The following IGSF3 variants were observed in gnomAD, a reference collection of about 807,000 sequenced individuals.
IGSF3 encodes the protein immunoglobulin superfamily member 3.
In IGSF3, 23 loss-of-function variants were observed where a neutral mutation model predicts 114.4. The ratio of observed to expected loss-of-function variants is 0.20; its 90% CI spans 0.14 to 0.28. The LOEUF (loss-of-function observed/expected upper bound fraction) is 0.28. IGSF3 is among the 10% of genes least tolerant of loss of function. The pLI is 1.00. For synonymous variants in IGSF3, 571 were observed against 645.2 expected, an observed-to-expected ratio of 0.88 and a Z score of 1.74; for missense variants, 1,172 against 1,591.5, an observed-to-expected ratio of 0.74 and a Z score of 4.48.
At chr1:116,587,018 A>G (rs548648131) in intron 8 of IGSF3, among the ~76,000 whole-genome samples, 38 of 152,120 alleles carry the variant, frequency 2.5e-4, no homozygotes, top group African/African-American at 8.2e-4. Flanking sequence ...TGGAAATATA[A>G]TAACCTCAGG....
chr1:116,666,165 G>A (rs1434779969), intron 2 of IGSF3, 119 bp downstream of exon 2: 1 of 942,474 alleles, frequency 1.1e-6, no homozygotes, highest in African/African-American at 1.6e-5. Flanking sequence ...GACACACACC[G>A]ACCGCCTCCT....
intron 6 of IGSF3, among the ~76,000 whole-genome samples, chr1:116,602,962 A>T (rs909722772): frequency 3.3e-5 from 5 of 152,206 alleles, no homozygotes; most frequent in African/African-American, 1.2e-4. Flanking sequence ...TTTGTTAGGT[A>T]TGGGCCCCGT....
At chr1:116,641,449 T>C (rs1648091045) in intron 2 of IGSF3, among the ~76,000 whole-genome samples, 1 of 133,888 alleles carries the variant, frequency 7.5e-6, no homozygotes, top group East Asian at 2.1e-4. Context: ...TGAGCCAAGA[T>C]TGTGCCACTG....
chr1:116,577,450 G>C lies in IGSF3; in HGVS notation c.3447C>G (p.Phe1149Leu). The C allele has an allele frequency of 6.2e-7, 1 of 1,614,196 alleles. No homozygotes were observed. The highest frequency in any genetic ancestry group is 8.5e-7 in the Non-Finnish European group (1 of 1,180,036). The change falls in exon 11 of 11, where the codon TTC becomes TTG. Residue 1149 changes from phenylalanine to leucine, a missense_variant. Physicochemically the swap from Phe to Leu is conservative, Grantham distance 22 (BLOSUM62 0). Around this residue, in one of 3 missense-constraint regions of IGSF3, gnomAD observed 423 missense variants for 509.8 expected, o/e 0.83. Coordinates refer to ENST00000369486, the MANE Select transcript of IGSF3 (RefSeq NM_001007237.3). The surrounding 1 kb of genome is among the most constrained non-coding windows in gnomAD (Gnocchi z 5.7). ...AGTTCTTGCTGGAGTTCCGGCTCTT[G>C]AAACGCACCAGAAGGATGGTGATGA... ...ILIITILLVR[F>L]KSRNSSKNSD...
At chr1:116,581,318 G>GTT (rs1659592392) in intron 9 of IGSF3, among the ~76,000 whole-genome samples, 2 of 112,178 alleles carry the variant, frequency 1.8e-5, no homozygotes, top group African/African-American at 3.5e-5. Context: ...CTGTTTTGCT[G>GTT]TCTTTTTTTT....
In IGSF3 at chr1:116,589,214, A is replaced by T; in HGVS notation, c.2030-110T>A. Reference sequence around the variant, plus strand: ...TCCAGCACAGTTCCTGGGGGATTTAACACCGACTGGCTTCAGTGTGAGGAA... The same window carrying T: ...TCCAGCACAGTTCCTGGGGGATTTATCACCGACTGGCTTCAGTGTGAGGAA... On this transcript the variant is annotated intron_variant, in intron 7 of 10. Coordinates refer to ENST00000369486, the MANE Select transcript of IGSF3 (RefSeq NM_001007237.3). This position sits in a 1 kb window ranked among gnomAD's most constrained non-coding sequence, Gnocchi z 5.7. The T allele has an allele frequency of 1.1e-6, 1 of 892,644 alleles. No individual in the cohort carries two copies. Among genetic ancestry groups the T allele is most frequent in the East Asian group, 2.5e-5 (1 of 39,920 alleles). The allele number at this position is 892,644 out of a possible 1,614,324, so 55.3% of individuals were successfully genotyped here.
At position 116,600,929 on chromosome 1, in the gene IGSF3, G is replaced by C. The variant is rs569794315; in HGVS notation, c.1625-584C>G. Among the ~76,000 whole-genome samples the C allele has an allele frequency of 6.6e-6, 1 of 152,252 alleles. No individual in the cohort carries two copies. The highest frequency in any genetic ancestry group is 6.5e-5 in the Admixed American group (1 of 15,292). ...ATTATCCTAAATGCAGGGTTCTGCAGGCTCAGCGGCTGTGGGTCTCTCAAT... is the reference window on the plus strand; with the variant it reads ...ATTATCCTAAATGCAGGGTTCTGCACGCTCAGCGGCTGTGGGTCTCTCAAT... On this transcript the variant is annotated intron_variant, in intron 6 of 10. Coordinates refer to ENST00000369486, the MANE Select transcript of IGSF3 (RefSeq NM_001007237.3). The surrounding 1 kb of genome is among the most constrained non-coding windows in gnomAD (Gnocchi z 5.5).
chr1:116,640,315 G>T (rs1458033302), intron 2 of IGSF3, among the ~76,000 whole-genome samples: 2 of 152,126 alleles, frequency 1.3e-5, no homozygotes, highest in African/African-American at 4.8e-5. Flanking sequence ...ACCTGGTTTA[G>T]TTTTTTTATT....
chr1:116,667,302 G>A (rs1198672930), intron 1 of IGSF3, among the ~76,000 whole-genome samples: 3 of 152,076 alleles, frequency 2.0e-5, no homozygotes, highest in African/African-American at 7.2e-5. Flanking sequence ...CCCGGCCCCC[G>A]CCCCAACCGT....
At chr1:116,591,302 C>T in intron 7 of IGSF3, among the ~76,000 whole-genome samples, 1 of 152,042 alleles carries the variant, frequency 6.6e-6, no homozygotes, top group Non-Finnish European at 1.5e-5. Context: ...ATATCTATAT[C>T]AGTGCAAATG....
chr1:116,576,814 A>G lies in IGSF3; in HGVS notation c.*498T>C, dbSNP rs149250961. On this transcript the variant is annotated 3_prime_UTR_variant, in exon 11 of 11. Coordinates refer to ENST00000369486, the MANE Select transcript of IGSF3 (RefSeq NM_001007237.3). This position sits in a 1 kb window ranked among gnomAD's most constrained non-coding sequence, Gnocchi z 4.6. ...AAAACGTTTGGGTATATTTTGATCC[A>G]TGGGTGGCATTTTCAAATGTGCAAA... 6.5e-6 allele frequency: 1 copy of G among 154,200 alleles called. No individual in the cohort carries two copies. The highest frequency in any genetic ancestry group is 2.4e-5 in the African/African-American group (1 of 41,578). The allele number at this position is 154,200 out of a possible 1,614,324, so 9.6% of individuals were successfully genotyped here.
At chr1:116,643,051 A>G (rs1211423217) in intron 2 of IGSF3, among the ~76,000 whole-genome samples, 1 of 152,184 alleles carries the variant, frequency 6.6e-6, no homozygotes, top group Non-Finnish European at 1.5e-5. Context: ...CTATGCCTGC[A>G]CTTCTTGGTC....
chr1:116,635,514 C>T (rs1330313626), intron 2 of IGSF3, among the ~76,000 whole-genome samples: 1 of 152,240 alleles, frequency 6.6e-6, no homozygotes, highest in African/African-American at 2.4e-5. Context: ...GGCCTCTGCA[C>T]TGGAGGCTGC....
chr1:116,598,846 T>G lies in IGSF3; in HGVS notation c.2029+1095A>C, dbSNP rs1412095469. Among the ~76,000 whole-genome samples the G allele has an allele frequency of 6.6e-6, 1 of 152,196 alleles. No homozygotes were observed. Among genetic ancestry groups the G allele is most frequent in the African/African-American group, 2.4e-5 (1 of 41,450 alleles). On this transcript the variant is annotated intron_variant, in intron 7 of 10. Coordinates refer to ENST00000369486, the MANE Select transcript of IGSF3 (RefSeq NM_001007237.3). This position sits in a 1 kb window ranked among gnomAD's most constrained non-coding sequence, Gnocchi z 4.3. ...GACAAGGACAGATGCAGGAAAACCA[T>G]AAGAGCTGCATGTACTTAACTCCTC...
Position 116,649,880 on chromosome 1 carries a change from T to C in IGSF3, c.43+16404A>G, listed in dbSNP as rs1320998081. On this transcript the variant is annotated intron_variant, in intron 2 of 10. Transcript: ENST00000369486. This position sits in a 1 kb window ranked among gnomAD's most constrained non-coding sequence, Gnocchi z 4.5. ...AATTAGTCAGGACATAATCTCCCTG[T>C]TTTTTGGCAGCGCCACATCCACACC... 6.6e-6 allele frequency among the ~76,000 whole-genome samples: 1 copy of C among 152,164 alleles called. No homozygotes were observed. The highest frequency in any genetic ancestry group is 2.4e-5 in the African/African-American group (1 of 41,432).
At position 116,607,829 on chromosome 1, in the gene IGSF3, C is replaced by G; in HGVS notation, c.1222+113G>C. On this transcript the variant is annotated intron_variant, in intron 5 of 10. Coordinates refer to ENST00000369486, the MANE Select transcript of IGSF3 (RefSeq NM_001007237.3). The surrounding 1 kb of genome is among the most constrained non-coding windows in gnomAD (Gnocchi z 6.1). ...GTTTTTCCCCCAGCTCTGCATTAAC[C>G]TCGAGGGTTCCATCTGCCTCCCCTC... 1 of 1,068,886 alleles carries G rather than the reference C, an allele frequency of 9.4e-7. No homozygotes were observed. Among genetic ancestry groups the G allele is most frequent in the Non-Finnish European group, 1.4e-6 (1 of 714,084 alleles). The allele number at this position is 1,068,886 out of a possible 1,614,324, so 66.2% of individuals were successfully genotyped here.
intron 5 of IGSF3, among the ~76,000 whole-genome samples, chr1:116,604,360 C>T (rs1660712724): frequency 6.6e-6 from 1 of 152,196 alleles, no homozygotes; most frequent in Admixed American, 6.5e-5. Flanking sequence ...GTAATCTATT[C>T]AGCTGGAGTT....
intron 4 of IGSF3, among the ~76,000 whole-genome samples, chr1:116,608,923 T>C (rs1571152202): frequency 6.6e-6 from 1 of 152,004 alleles, no homozygotes; most frequent in Admixed American, 6.5e-5. Context: ...CAGAATTACA[T>C]AGAAAAAATA....
At position 116,600,311 on chromosome 1, in the gene IGSF3, T is replaced by C. The variant is rs1287979143; in HGVS notation, c.1659A>G (p.Thr553=). 7 of 1,611,512 alleles carry C rather than the reference T, an allele frequency of 4.3e-6. No individual in the cohort carries two copies. Among genetic ancestry groups the C allele is most frequent in the Non-Finnish European group, 5.9e-6 (7 of 1,178,488 alleles). ...MGFAVTAISR[T]PGVTYSDSFD... ...AGGAGTCGCTGTAGGTCACCCCCGG[T>C]GTCCGGGAGATGGCTGTGACTGCGA... The change falls in exon 7 of 11, where the codon ACA becomes ACG. Residue 553 remains threonine, a synonymous_variant. Coordinates refer to ENST00000369486, the MANE Select transcript of IGSF3 (RefSeq NM_001007237.3). The surrounding 1 kb of genome is among the most constrained non-coding windows in gnomAD (Gnocchi z 5.5).
Sources: gnomAD v4.1 joint callset for allele counts (sites outside exome capture counted in the v4.1 genomes callset) on GRCh38, gnomAD v4.1.1 for gene constraint, gnomAD v4.1.1 regional missense constraint, Gnocchi (gnomAD v3.1) non-coding constraint, MANE v1.5 for transcripts, NCBI Gene and HGNC (gene_info 2026-07-23, HGNC 2026-07-21) for gene names.